CDH13: variants seen among roughly 807,000 people sequenced by gnomAD.
The protein encoded by CDH13 is cadherin-13.
Under a neutral mutation model 63.8 loss-of-function variants are expected in CDH13, and 24 were observed. The observed-to-expected ratio is 0.38, with a 90% CI of 0.27 to 0.53. The LOEUF is 0.53. Ranked by LOEUF, CDH13 falls within the 20% of genes least tolerant of loss-of-function variation. The pLI, the probability that CDH13 is intolerant of heterozygous loss-of-function variation, is 0.85. For synonymous variants in CDH13, 503 were observed against 355.3 expected (o/e 1.42, Z -4.67); for missense variants, 1,049 against 903.1 (o/e 1.16, Z -2.07).
At chr16:82,899,870 C>T (rs192025552) in intron 2 of CDH13, among the ~76,000 whole-genome samples, 57 of 152,256 alleles carry the variant, frequency 3.7e-4, no homozygotes, top group Admixed American at 6.5e-4. Flanking sequence ...ATAATAGGCC[C>T]ATGATTTCCT....
chr16:83,197,327 A>T (rs1454353976), intron 4 of CDH13, among the ~76,000 whole-genome samples: 1 of 151,978 alleles, frequency 6.6e-6, no homozygotes, highest in Non-Finnish European at 1.5e-5. Flanking sequence ...CCATTGTGTA[A>T]TAATCACATC....
chr16:83,339,863 A>G (rs776783807), intron 5 of CDH13, among the ~76,000 whole-genome samples: 4 of 152,160 alleles, frequency 2.6e-5, no homozygotes, highest in African/African-American at 4.8e-5. Flanking sequence ...ATTCCTAAAG[A>G]ATCTGATTTT....
At chr16:83,627,142 G>A (rs950874890) in intron 8 of CDH13, among the ~76,000 whole-genome samples, 1 of 136,200 alleles carries the variant, frequency 7.3e-6, no homozygotes, top group African/African-American at 2.7e-5. Context: ...AAAAAAAAAT[G>A]AGCTGAGTGT....
chr16:83,037,048 A>G (rs1227338296), intron 3 of CDH13, among the ~76,000 whole-genome samples: 1 of 152,220 alleles, frequency 6.6e-6, no homozygotes, highest in Non-Finnish European at 1.5e-5. Flanking sequence ...TAGGTTCTTA[A>G]GCAGAGAAAC....
At chr16:82,683,803 A>AT (rs1364946868) in intron 1 of CDH13, among the ~76,000 whole-genome samples, 1 of 152,078 alleles carries the variant, frequency 6.6e-6, no homozygotes, top group Non-Finnish European at 1.5e-5. Context: ...TGTGGATGAT[A>AT]TTTTTTCTAT....
intron 2 of CDH13, among the ~76,000 whole-genome samples, chr16:83,030,733 A>AG (rs1171171809): frequency 1.3e-5 from 2 of 150,476 alleles, no homozygotes; most frequent in Non-Finnish European, 3.0e-5. Context: ...CAGAGCACAC[A>AG]CCTGATCTTG....
In CDH13 at chr16:83,707,836, C is replaced by CAAAAAAAAAAAAAAAAAAAAAAAAAAAAA. The variant is rs61067563; in HGVS notation, c.1538+29397_1538+29398insAAAAAAAAAAAAAAAAAAAAAAAAAAAAA. Among the ~76,000 whole-genome samples the CAAAAAAAAAAAAAAAAAAAAAAAAAAAAA allele has an allele frequency of 3.7e-4, 29 of 78,874 alleles. 6 individuals carry two copies. The highest frequency in any genetic ancestry group is 1.0e-3 in the African/African-American group (20 of 19,984). 51.7% of individuals were successfully genotyped at this position (78,874 alleles called of 152,430 possible). A position where few individuals can be genotyped will look rare whatever the true frequency, so the allele number is the denominator to read the frequency against. Reference sequence around the variant, plus strand: ...CATCTTTGGTGAGAGACCCTAAAGGCAAAAAAAAAAAAAAAAAAAAAAGAG... The same window carrying CAAAAAAAAAAAAAAAAAAAAAAAAAAAAA: ...CATCTTTGGTGAGAGACCCTAAAGGCAAAAAAAAAAAAAAAAAAAAAAAAAAAAAAAAAAAAAAAAAAAAAAAAAAAGAG... On this transcript the variant is annotated intron_variant, in intron 10 of 13. Coordinates refer to ENST00000567109, the MANE Select transcript of CDH13 (RefSeq NM_001257.5).
intron 2 of CDH13, among the ~76,000 whole-genome samples, chr16:83,004,023 G>A (rs1279482361): frequency 6.6e-6 from 1 of 152,200 alleles, no homozygotes; most frequent in Non-Finnish European, 1.5e-5. Flanking sequence ...TCAGACTAAA[G>A]TAGATAATAA....
intron 5 of CDH13, among the ~76,000 whole-genome samples, chr16:83,237,231 T>G (rs2040172288): frequency 6.6e-6 from 1 of 152,232 alleles, no homozygotes; most frequent in South Asian, 2.1e-4. Flanking sequence ...AGCCTCTGCC[T>G]GTCTCAGCAA....
chr16:83,743,198 A>G (rs547606223), intron 10 of CDH13, among the ~76,000 whole-genome samples: 2 of 152,182 alleles, frequency 1.3e-5, no homozygotes, highest in Admixed American at 6.5e-5. Context: ...ACAGAGCAAG[A>G]CTCCGTCTCA....
At chr16:82,856,367 T>C (rs1158910268) in intron 1 of CDH13, among the ~76,000 whole-genome samples, 15 of 99,582 alleles carry the variant, frequency 1.5e-4, no homozygotes, top group Non-Finnish European at 2.1e-4. Context: ...AGAGAGAGAC[T>C]CCATCTCAAA....
intron 11 of CDH13, among the ~76,000 whole-genome samples, chr16:83,778,526 C>CAAAAA (rs5818469): frequency 7.1e-6 from 1 of 141,408 alleles, no homozygotes. Context: ...TGAGACTCAC[C>CAAAAA]AAAAAAAAAA....
chr16:83,093,412 G>A (rs184937176), intron 3 of CDH13, among the ~76,000 whole-genome samples: 141 of 137,486 alleles, frequency 1.0e-3, no homozygotes, highest in African/African-American at 2.6e-3. Context: ...TCCACCTCCC[G>A]GGTTCAAGCG....
intron 5 of CDH13, among the ~76,000 whole-genome samples, chr16:83,267,189 G>A (rs75767676): frequency 0.061 from 9,292 of 152,194 alleles, 384 homozygotes; most frequent in Middle Eastern, 0.15. Context: ...CCCAACTGTT[G>A]TAAACAAAGA....
intron 1 of CDH13, among the ~76,000 whole-genome samples, chr16:82,806,356 C>T (rs751948607): frequency 6.6e-6 from 1 of 152,156 alleles, no homozygotes; most frequent in Non-Finnish European, 1.5e-5. Context: ...TCCATTCTTC[C>T]CTGTCTACCA....
chr16:83,411,536 A>C (rs1567654318), intron 6 of CDH13, among the ~76,000 whole-genome samples: 1 of 152,182 alleles, frequency 6.6e-6, no homozygotes, highest in African/African-American at 2.4e-5. Context: ...ATTCATTTAA[A>C]TATTTAAATA....
chr16:83,061,129 CTT>C (rs1597249190), intron 3 of CDH13, among the ~76,000 whole-genome samples: 1 of 152,224 alleles, frequency 6.6e-6, no homozygotes, highest in East Asian at 1.9e-4. Flanking sequence ...ATACCACAGT[CTT>C]TCCCAAAGTT....
intron 2 of CDH13, among the ~76,000 whole-genome samples, chr16:82,896,770 C>CTTTTTTTTTTT (rs71382855): frequency 3.6e-5 from 2 of 55,516 alleles, no homozygotes; most frequent in African/African-American, 1.6e-4. Flanking sequence ...CTGTGCAATT[C>CTTTTTTTTTTT]TTTTTTTTTT....
intron 5 of CDH13, among the ~76,000 whole-genome samples, chr16:83,234,668 C>G (rs2040094495): frequency 6.6e-6 from 1 of 152,168 alleles, no homozygotes; most frequent in Non-Finnish European, 1.5e-5. Context: ...GTTCTAGGCA[C>G]AAGGGATTTT....
Sources: gnomAD v4.1 joint callset for allele counts (sites outside exome capture counted in the v4.1 genomes callset) on GRCh38, gnomAD v4.1.1 for gene constraint, MANE v1.5 for transcripts, NCBI Gene and HGNC (gene_info 2026-07-23, HGNC 2026-07-21) for gene names.